CUX1: variants seen among roughly 807,000 people sequenced by gnomAD.
CUX1 encodes protein CASP.
Under a neutral mutation model 158.8 loss-of-function variants are expected in CUX1, and 31 were observed. That is an observed-to-expected ratio of 0.20 (90% CI 0.15 to 0.26). CUX1 has a LOEUF of 0.26. Ranked by LOEUF, CUX1 falls within the 10% of genes least tolerant of loss-of-function variation. The pLI, the probability that CUX1 is intolerant of heterozygous loss-of-function variation, is 1.00. For synonymous variants in CUX1, 879 were observed against 862.1 expected (o/e 1.02, Z -0.34); for missense variants, 1,589 against 2,014.6 (o/e 0.79, Z 4.04).
chr7:101,912,589 C>T (rs1037880325), intron 1 of CUX1, among the ~76,000 whole-genome samples: 7 of 152,210 alleles, frequency 4.6e-5, no homozygotes, highest in African/African-American at 1.7e-4. Flanking sequence ...CTCTCCCCAC[C>T]GGCCCCTCTG....
chr7:102,074,529 G>A (rs545527141), intron 4 of CUX1, among the ~76,000 whole-genome samples: 1 of 152,304 alleles, frequency 6.6e-6, no homozygotes, highest in Non-Finnish European at 1.5e-5. Flanking sequence ...TGAGGATAGG[G>A]CTTTGCATTG....
chr7:102,112,106 G>C (rs1343460755), intron 7 of CUX1: 15 of 118,546 alleles, frequency 1.3e-4, no homozygotes, highest in East Asian at 5.7e-4. Context: ...AACAATAATA[G>C]AAAAAAAAAA....
chr7:102,189,885 G>A lies in CUX1; in HGVS notation c.1076+14G>A, dbSNP rs1794092648. On this transcript the variant is annotated intron_variant, in intron 12 of 23. Coordinates refer to ENST00000292535, the MANE Select transcript of CUX1 (RefSeq NM_181552.4). ...GAAAGAGCTGAAGTAAGTACGGAGAGCCCTGTGGCCCCTCACACGCTGGGG... is the reference window on the plus strand; with the variant it reads ...GAAAGAGCTGAAGTAAGTACGGAGAACCCTGTGGCCCCTCACACGCTGGGG... 7 of 1,614,102 alleles carry A rather than the reference G, an allele frequency of 4.3e-6. No individual in the cohort carries two copies. The highest frequency in any genetic ancestry group is 5.1e-6 in the Non-Finnish European group (6 of 1,179,944).
intron 1 of CUX1, among the ~76,000 whole-genome samples, chr7:101,870,911 T>C (rs1401109999): frequency 2.0e-5 from 3 of 152,220 alleles, no homozygotes; most frequent in South Asian, 2.1e-4. Flanking sequence ...CCTCGCCTAG[T>C]TCCACGCACA....
At chr7:101,864,352 G>T (rs1797746789) in intron 1 of CUX1, among the ~76,000 whole-genome samples, 1 of 151,886 alleles carries the variant, frequency 6.6e-6, no homozygotes, top group Non-Finnish European at 1.5e-5. Flanking sequence ...TGTAGAGATG[G>T]CGTCTTGCTG....
chr7:102,186,595 A>AT (rs781912833), intron 11 of CUX1, among the ~76,000 whole-genome samples: 2,071 of 128,602 alleles, frequency 0.016, 40 homozygotes, highest in African/African-American at 0.05. Flanking sequence ...ATATATATAT[A>AT]TTTTTTTTTA....
chr7:101,816,489 C>G (rs1791801904), upstream of CUX1, among the ~76,000 whole-genome samples: 1 of 139,226 alleles, frequency 7.2e-6, no homozygotes, highest in Non-Finnish European at 1.6e-5. Context: ...GCGGGGTGCG[C>G]GCGCGAGCGG....
rs552611916 is a variant in CUX1 at position 101,943,138 on chromosome 7, G to A, written c.141+26913G>A. The stretch of plus-strand genomic sequence containing the variant: ...TTTTCTGTTTTTGAGATGGAGTCTC[G>A]CTCTGTCACCCAGGCTGGAGTGCTG... On this transcript the variant is annotated intron_variant, in intron 2 of 23. Coordinates refer to ENST00000292535, the MANE Select transcript of CUX1 (RefSeq NM_181552.4). Among the ~76,000 whole-genome samples the A allele has an allele frequency of 4.6e-5, 6 of 131,272 alleles. No individual in the cohort carries two copies. The East Asian group carries it at 1.1e-3, about 24-fold the overall frequency. The allele number at this position is 131,272 out of a possible 152,430, so 86.1% of individuals were successfully genotyped here.
chr7:101,860,938 C>T (rs1177067821), intron 1 of CUX1, among the ~76,000 whole-genome samples: 2 of 152,028 alleles, frequency 1.3e-5, no homozygotes, highest in South Asian at 2.1e-4. Flanking sequence ...TGTGAGGTTC[C>T]GGGAACACAG....
chr7:101,859,114 T>A (rs565912085), intron 1 of CUX1, among the ~76,000 whole-genome samples: 2 of 152,298 alleles, frequency 1.3e-5, no homozygotes, highest in African/African-American at 4.8e-5. Flanking sequence ...AGGCTATAGT[T>A]TTGTTTATGC....
chr7:101,875,400 T>G (rs1584846297), intron 1 of CUX1, among the ~76,000 whole-genome samples: 1 of 152,304 alleles, frequency 6.6e-6, no homozygotes, highest in South Asian at 2.1e-4. Context: ...TAAGCAGAGC[T>G]CTCTATTAAC....
chr7:102,219,588 C>T (rs905452915), intron 20 of CUX1, among the ~76,000 whole-genome samples: 77 of 152,228 alleles, frequency 5.1e-4, no homozygotes, highest in African/African-American at 1.7e-3. Flanking sequence ...TCAGGCATAG[C>T]TGCTCACCTT....
At chr7:102,059,072 C>T (rs1198791699) in intron 3 of CUX1, among the ~76,000 whole-genome samples, 1 of 152,240 alleles carries the variant, frequency 6.6e-6, no homozygotes, top group African/African-American at 2.4e-5. Flanking sequence ...TTTACCTGCT[C>T]ATGCTGGTTT....
intron 6 of CUX1, among the ~76,000 whole-genome samples, chr7:102,105,070 T>C (rs1342355120): frequency 6.6e-6 from 1 of 152,150 alleles, no homozygotes; most frequent in Non-Finnish European, 1.5e-5. Context: ...GGACCTGGGC[T>C]GAGACCAGAG....
intron 1 of CUX1, among the ~76,000 whole-genome samples, chr7:101,904,140 A>G (rs1047179923): frequency 3.2e-4 from 49 of 151,600 alleles, no homozygotes; most frequent in Non-Finnish European, 5.2e-4. Flanking sequence ...ACACACACAC[A>G]CACACACACA....
At chr7:102,033,243 G>A (rs1312521402) in intron 3 of CUX1, among the ~76,000 whole-genome samples, 1 of 152,148 alleles carries the variant, frequency 6.6e-6, no homozygotes, top group Non-Finnish European at 1.5e-5. Flanking sequence ...GAGGCCAGGA[G>A]TTTGAGACCA....
chr7:102,107,054 G>A (rs1265746645), intron 6 of CUX1, among the ~76,000 whole-genome samples: 1 of 151,586 alleles, frequency 6.6e-6, no homozygotes, highest in Non-Finnish European at 1.5e-5. Flanking sequence ...ATAGAGATAT[G>A]CCATCTCTAT....
At chr7:101,822,586 G>A (rs1056026144) in intron 1 of CUX1, 1 of 152,238 alleles carries the variant, frequency 6.6e-6, no homozygotes, top group Non-Finnish European at 1.5e-5. Flanking sequence ...ATTACACAGT[G>A]AGGGTGAACC....
intron 3 of CUX1, among the ~76,000 whole-genome samples, chr7:102,030,031 G>A (rs1239370299): frequency 6.7e-6 from 1 of 148,432 alleles, no homozygotes; most frequent in Non-Finnish European, 1.5e-5. Flanking sequence ...TTTTTTTTGA[G>A]ACAGATTTTC....
Sources: gnomAD v4.1 joint callset for allele counts (sites outside exome capture counted in the v4.1 genomes callset) on GRCh38, gnomAD v4.1.1 for gene constraint, MANE v1.5 for transcripts, NCBI Gene and HGNC (gene_info 2026-07-23, HGNC 2026-07-21) for gene names.